Variants in WDR33 observed in about 807,000 individuals in gnomAD.
WDR33 encodes the protein WD repeat domain 33.
In WDR33, 47 loss-of-function variants were observed where a neutral mutation model predicts 164.9. The ratio of observed to expected loss-of-function variants is 0.29; its 90% CI spans 0.23 to 0.36. WDR33 has a LOEUF of 0.36. Ranked by LOEUF, WDR33 falls within the 10% of genes least tolerant of loss-of-function variation. The pLI, the probability that WDR33 is intolerant of heterozygous loss-of-function variation, is 1.00. For missense variants in WDR33, 1,137 were observed against 1,754.1 expected (o/e 0.65, Z 6.28); for synonymous variants, 505 against 589.0 (o/e 0.86, Z 2.06).
At chr2:127,797,484 T>A (rs749250089) in intron 1 of WDR33, among the ~76,000 whole-genome samples, 1 of 151,978 alleles carries the variant, frequency 6.6e-6, no homozygotes, top group Non-Finnish European at 1.5e-5. Context: ...AGAACAAGAC[T>A]ACGTCACACA....
chr2:127,780,527 G>A (rs527543101), intron 1 of WDR33, among the ~76,000 whole-genome samples: 28 of 152,294 alleles, frequency 1.8e-4, no homozygotes, highest in African/African-American at 6.5e-4. Context: ...ATTACATGGA[G>A]ACCATTCAAT....
At position 127,770,669 on chromosome 2, in the gene WDR33, C is replaced by A; in HGVS notation, c.204+109G>T. ...CCACACCACTGCACTCTGGCCTGGG[C>A]AACAAGAAAGAAACTCCATCTCAAA... On this transcript the variant is annotated intron_variant, in intron 2 of 21. Coordinates refer to ENST00000322313, the MANE Select transcript of WDR33 (RefSeq NM_018383.5). The surrounding 1 kb of genome is among the most constrained non-coding windows in gnomAD (Gnocchi z 4.9). 1 of 831,274 alleles carries A rather than the reference C, an allele frequency of 1.2e-6. No individual in the cohort carries two copies. 51.5% of individuals were successfully genotyped at this position (831,274 alleles called of 1,614,324 possible). A position where few individuals can be genotyped will look rare whatever the true frequency, so the allele number is the denominator to read the frequency against.
In WDR33 at chr2:127,701,578, C is replaced by A; in HGVS notation, c.*4745G>T. On this transcript the variant is annotated 3_prime_UTR_variant, in exon 22 of 22. Transcript: ENST00000322313. ...CAGGAGTACCTGGCGCAGGGGAAAGCTGGCGGCCCGGCGGCCGCGGAGCCG... is the reference window on the plus strand; with the variant it reads ...CAGGAGTACCTGGCGCAGGGGAAAGATGGCGGCCCGGCGGCCGCGGAGCCG... 1 of 1,363,126 alleles carries A rather than the reference C, an allele frequency of 7.3e-7. No individual in the cohort carries two copies. The highest frequency in any genetic ancestry group is 9.5e-7 in the Non-Finnish European group (1 of 1,057,378). 84.4% of individuals were successfully genotyped at this position (1,363,126 alleles called of 1,614,324 possible). A position where few individuals can be genotyped will look rare whatever the true frequency, so the allele number is the denominator to read the frequency against.
chr2:127,749,688 T>C (rs1375472694), intron 7 of WDR33, among the ~76,000 whole-genome samples: 2 of 149,412 alleles, frequency 1.3e-5, no homozygotes, highest in African/African-American at 4.9e-5. Flanking sequence ...AGAAATGCCA[T>C]AGTGTTGACT....
intron 4 of WDR33, among the ~76,000 whole-genome samples, chr2:127,765,590 T>G (rs147440384): frequency 0.013 from 1,947 of 152,210 alleles, 24 homozygotes; most frequent in Middle Eastern, 0.051. Flanking sequence ...CTCATTTCCC[T>G]AGGCTATACG....
chr2:127,736,023 G>C, intron 7 of WDR33: 2 of 985,452 alleles, frequency 2.0e-6, no homozygotes, highest in African/African-American at 1.7e-5. Context: ...TAGAATCATG[G>C]GTGAAGGGGT....
intron 2 of WDR33, among the ~76,000 whole-genome samples, 197 bp from the exon 3 acceptor site, chr2:127,769,198 T>A (rs189106337): frequency 1.3e-5 from 2 of 152,268 alleles, no homozygotes; most frequent in Admixed American, 6.5e-5. Flanking sequence ...TAACATTGCT[T>A]AGAACTTCCC....
In WDR33 at chr2:127,708,631, T is replaced by TCGGC; in HGVS notation, c.3781+42_3781+45dup. ...GCAGCAGATACAGGCAAGGCCTCCA[T>TCGGC]CGGCCCCTGCATCTCCTGGAACCAT... is the stretch of plus-strand genomic sequence containing the variant. On this transcript the variant is annotated intron_variant, in intron 21 of 21. Coordinates refer to ENST00000322313, the MANE Select transcript of WDR33 (RefSeq NM_018383.5). This position sits in a 1 kb window ranked among gnomAD's most constrained non-coding sequence, Gnocchi z 6.7. The TCGGC allele has an allele frequency of 6.6e-7, 1 of 1,520,646 alleles. No homozygotes were observed. Among genetic ancestry groups the TCGGC allele is most frequent in the South Asian group, 1.3e-5 (1 of 77,830 alleles). 94.2% of individuals were successfully genotyped at this position (1,520,646 alleles called of 1,614,324 possible).
At chr2:127,740,346 T>TAC (rs71307275) in intron 7 of WDR33, among the ~76,000 whole-genome samples, 20,681 of 149,730 alleles carry the variant, frequency 0.14, 1,466 homozygotes, top group South Asian at 0.21. Flanking sequence ...TGTATTTCTC[T>TAC]ACACACACAC....
intron 1 of WDR33, among the ~76,000 whole-genome samples, chr2:127,802,759 C>T (rs1172114465): frequency 1.3e-5 from 2 of 151,798 alleles, no homozygotes; most frequent in Non-Finnish European, 2.9e-5. Context: ...AGGGAGGAAC[C>T]GATGACCCCA....
At chr2:127,737,936 GA>G (rs1686898311) in intron 7 of WDR33, 1 of 1,575,908 alleles carries the variant, frequency 6.3e-7, no homozygotes, top group African/African-American at 1.4e-5. Context: ...TGTTTTGCCA[GA>G]ATCTTCTTGG....
chr2:127,809,428 C>CTTTTTTT (rs70985478), intron 1 of WDR33, among the ~76,000 whole-genome samples: 14 of 94,622 alleles, frequency 1.5e-4, no homozygotes, highest in Non-Finnish European at 1.9e-4. Context: ...AGCCAAATTC[C>CTTTTTTT]TTTTTTTTTT....
At chr2:127,707,541 G>A (rs1558917204) in intron 21 of WDR33, among the ~76,000 whole-genome samples, 1 of 152,224 alleles carries the variant, frequency 6.6e-6, no homozygotes, top group Non-Finnish European at 1.5e-5. Context: ...TCCTTGACCA[G>A]AGGGACCTAA....
At chr2:127,762,454 T>C (rs1184178107) in intron 7 of WDR33, 1 of 931,370 alleles carries the variant, frequency 1.1e-6, no homozygotes, top group Non-Finnish European at 1.3e-6. Flanking sequence ...TTCTAATGCA[T>C]AATCTAAAAT....
chr2:127,705,086 A>G lies in WDR33; in HGVS notation c.*1237T>C. 1 of 167,124 alleles carries G rather than the reference A, an allele frequency of 6.0e-6. No individual in the cohort carries two copies. Among genetic ancestry groups the G allele is most frequent in the Non-Finnish European group, 1.5e-5 (1 of 68,134 alleles). The allele number at this position is 167,124 out of a possible 1,614,324, so 10.4% of individuals were successfully genotyped here. A position where few individuals can be genotyped will look rare whatever the true frequency, so the allele number is the denominator to read the frequency against. On this transcript the variant is annotated 3_prime_UTR_variant, in exon 22 of 22. Coordinates refer to ENST00000322313, the MANE Select transcript of WDR33 (RefSeq NM_018383.5). The surrounding 1 kb of genome is among the most constrained non-coding windows in gnomAD (Gnocchi z 4.5). ...AAGACTCTGTCAAAAAAGGAAAAGAAAAAAAGAAACTTCCAGCACCACTAA... is the reference window on the plus strand; with the variant it reads ...AAGACTCTGTCAAAAAAGGAAAAGAGAAAAAGAAACTTCCAGCACCACTAA...
At position 127,770,957 on chromosome 2, in the gene WDR33, G is replaced by A; in HGVS notation, c.25C>T (p.Pro9Ser). Residue 9 changes from proline (P) to serine (S), a missense_variant, in exon 2 of 22, where the codon CCT becomes TCT. Pro to Ser is a moderately conservative substitution (Grantham distance 74). Around this residue, in one of 9 missense-constraint regions of WDR33, gnomAD observed 24 missense variants for 46.7 expected, o/e 0.51. Transcript: ENST00000322313. This position sits in a 1 kb window ranked among gnomAD's most constrained non-coding sequence, Gnocchi z 4.9. Reference protein sequence around the residue: MATEIGSPPRFFHMPRFQH... With the variant: MATEIGSPSRFFHMPRFQH... ...AACCTTGGCATATGGAAAAAACGAGGAGGAGAACCAATTTCTGTAGCCATG... is the reference window on the plus strand; with the variant it reads ...AACCTTGGCATATGGAAAAAACGAGAAGGAGAACCAATTTCTGTAGCCATG... 1 of 1,613,982 alleles carries A rather than the reference G, an allele frequency of 6.2e-7. No individual in the cohort carries two copies. The highest frequency in any genetic ancestry group is 8.5e-7 in the Non-Finnish European group (1 of 1,179,942).
chr2:127,729,677 G>A (rs2105389475), intron 7 of WDR33, among the ~76,000 whole-genome samples: 1 of 152,048 alleles, frequency 6.6e-6, no homozygotes, highest in Non-Finnish European at 1.5e-5. Flanking sequence ...TTGTATTTTT[G>A]GTAGAGATAT....
Position 127,712,153 on chromosome 2 carries a change from TG to T in WDR33, c.3308+1429del. 6.6e-6 allele frequency among the ~76,000 whole-genome samples: 1 copy of T among 151,164 alleles called. No homozygotes were observed. Among genetic ancestry groups the T allele is most frequent in the Non-Finnish European group, 1.5e-5 (1 of 67,744 alleles). On this transcript the variant is annotated intron_variant, in intron 18 of 21. Transcript: ENST00000322313. This position sits in a 1 kb window ranked among gnomAD's most constrained non-coding sequence, Gnocchi z 4.0. ...GCTCACGCCTATAATCCCTGCACTCTGGGGGGGCTGAAGAACGTGGATCACT... is the reference window on the plus strand; with the variant it reads ...GCTCACGCCTATAATCCCTGCACTCTGGGGGGCTGAAGAACGTGGATCACT...
rs28571963 is a variant in WDR33, at chr2:127,738,376, G to A, written c.725-11599C>T. ...ACTGAATAAATAAGTGGAGAAGAGT[G>A]AAGTCTCCCATGCCTAAGAATTCCA... On this transcript the variant is annotated intron_variant, in intron 7 of 21. Transcript: ENST00000322313. The surrounding 1 kb of genome is among the most constrained non-coding windows in gnomAD (Gnocchi z 4.4). Among the ~76,000 whole-genome samples, 3,238 of 152,194 alleles carry A rather than the reference G, an allele frequency of 0.021. 124 individuals carry two copies. Among genetic ancestry groups the A allele is most frequent in the African/African-American group, 0.075 (3,111 of 41,520 alleles).
Sources: allele counts gnomAD v4.1 joint callset (sites outside exome capture counted in the v4.1 genomes callset), GRCh38; gene constraint gnomAD v4.1.1; regional missense constraint gnomAD v4.1.1; non-coding constraint Gnocchi (gnomAD v3.1); transcripts MANE v1.5; gene names NCBI Gene and HGNC (gene_info 2026-07-23, HGNC 2026-07-21).